Variants in SGMS1 observed in about 807,000 individuals in gnomAD.
The protein encoded by SGMS1 is sphingomyelin synthase 1.
In SGMS1, 13 loss-of-function variants were observed where a neutral mutation model predicts 46.2. The ratio of observed to expected loss-of-function variants is 0.28; its 90% CI spans 0.18 to 0.45. SGMS1 has a LOEUF of 0.45. SGMS1 is among the 20% of genes least tolerant of loss of function. The pLI, the probability that SGMS1 is intolerant of heterozygous loss-of-function variation, is 1.00. For synonymous variants in SGMS1, 203 were observed against 187.8 expected (o/e 1.08, Z -0.66); for missense variants, 324 against 519.9 (o/e 0.62, Z 3.66).
At chr10:50,341,432 T>A (rs778657445) in intron 7 of SGMS1, 7 of 455,820 alleles carry the variant, frequency 1.5e-5, no homozygotes, top group East Asian at 6.9e-5. Context: ...ATTTCCCACA[T>A]CCCTATCCCG....
At chr10:50,599,132 G>A (rs530398662) in intron 1 of SGMS1, among the ~76,000 whole-genome samples, 2 of 152,196 alleles carry the variant, frequency 1.3e-5, no homozygotes, top group South Asian at 4.1e-4. Flanking sequence ...ATCAAATGCT[G>A]AAACAGACAA....
intron 2 of SGMS1, among the ~76,000 whole-genome samples, chr10:50,542,892 T>C (rs1201995208): frequency 6.6e-6 from 1 of 150,944 alleles, no homozygotes; most frequent in African/African-American, 2.4e-5. Context: ...AAGGAAGTCT[T>C]CTCAGTTTGT....
At chr10:50,571,456 GCA>G (rs1458267257) in intron 2 of SGMS1, among the ~76,000 whole-genome samples, 1 of 152,182 alleles carries the variant, frequency 6.6e-6, no homozygotes, top group Non-Finnish European at 1.5e-5. Context: ...GCAAAGCCTG[GCA>G]CCTTTTCCAT....
chr10:50,456,281 C>A (rs956047293), intron 5 of SGMS1, among the ~76,000 whole-genome samples: 4 of 151,918 alleles, frequency 2.6e-5, no homozygotes, highest in African/African-American at 9.7e-5. Context: ...AGGAGGTCCT[C>A]CTTATTGTCA....
intron 8 of SGMS1, among the ~76,000 whole-genome samples, chr10:50,325,438 A>T (rs369946413): frequency 0.013 from 1,968 of 152,288 alleles, 39 homozygotes; most frequent in African/African-American, 0.044. Context: ...ATCCTCATAG[A>T]ATGAGGGCCC....
chr10:50,615,593 A>T (rs1433304472), intron 1 of SGMS1, among the ~76,000 whole-genome samples: 1 of 152,192 alleles, frequency 6.6e-6, no homozygotes, highest in African/African-American at 2.4e-5. Context: ...TAAGACAGAG[A>T]GCTATTGCTT....
intron 3 of SGMS1, among the ~76,000 whole-genome samples, chr10:50,486,388 C>A (rs148793266): frequency 6.6e-6 from 1 of 152,052 alleles, no homozygotes; most frequent in Non-Finnish European, 1.5e-5. Context: ...ACCTACGGAA[C>A]GGGAGAGAAT....
At chr10:50,390,714 C>T (rs554601743) in intron 6 of SGMS1, among the ~76,000 whole-genome samples, 31 of 152,110 alleles carry the variant, frequency 2.0e-4, no homozygotes, top group Non-Finnish European at 3.7e-4. Context: ...TGGAATTACT[C>T]CCTTTGAAAG....
rs930080248 is a variant in SGMS1, at chr10:50,317,806, T to C, written c.742-6391A>G. On this transcript the variant is annotated intron_variant, in intron 8 of 10. Coordinates refer to ENST00000361781, the MANE Select transcript of SGMS1 (RefSeq NM_147156.4). ...CTCTATAAAAGTTATTTCTTTCTTT[T>C]TTTTTTTTTTTTTTAGACAGTCTCA... is the stretch of plus-strand genomic sequence containing the variant. Among the ~76,000 whole-genome samples the C allele has an allele frequency of 1.2e-3, 176 of 150,386 alleles. 1 individual carries two copies. The highest frequency in any genetic ancestry group is 5.2e-3 in the East Asian group (27 of 5,150).
chr10:50,573,307 T>G (rs1838351985), intron 2 of SGMS1, among the ~76,000 whole-genome samples: 1 of 152,218 alleles, frequency 6.6e-6, no homozygotes, highest in Non-Finnish European at 1.5e-5. Context: ...CATAATCTTA[T>G]ATGTAGAAAA....
At chr10:50,570,023 T>G (rs559290233) in intron 2 of SGMS1, among the ~76,000 whole-genome samples, 1 of 152,348 alleles carries the variant, frequency 6.6e-6, no homozygotes, top group East Asian at 1.9e-4. Flanking sequence ...TGGTTACATT[T>G]CTTAAAACCA....
chr10:50,434,059 C>G (rs1241003360), intron 5 of SGMS1, among the ~76,000 whole-genome samples: 1 of 152,218 alleles, frequency 6.6e-6, no homozygotes, highest in Non-Finnish European at 1.5e-5. Flanking sequence ...CTATGGACAC[C>G]TAATGCTTAA....
At chr10:50,540,623 G>T (rs1838043572) in intron 2 of SGMS1, among the ~76,000 whole-genome samples, 1 of 152,192 alleles carries the variant, frequency 6.6e-6, no homozygotes, top group Non-Finnish European at 1.5e-5. Context: ...AAAAAAGAGA[G>T]AGGAAAGTGG....
At chr10:50,345,195 A>T (rs1317264226) in intron 6 of SGMS1, among the ~76,000 whole-genome samples, 1 of 151,862 alleles carries the variant, frequency 6.6e-6, no homozygotes, top group African/African-American at 2.4e-5. Flanking sequence ...AAGATCTACA[A>T]ATGCCGCTGC....
intron 6 of SGMS1, among the ~76,000 whole-genome samples, chr10:50,368,375 G>C (rs964900069): frequency 6.6e-5 from 10 of 151,512 alleles, no homozygotes; most frequent in Non-Finnish European, 1.5e-4. Flanking sequence ...TTTACTTTTT[G>C]AGCCGGAGTC....
chr10:50,538,860 G>C (rs139458462), intron 2 of SGMS1, among the ~76,000 whole-genome samples: 12 of 152,334 alleles, frequency 7.9e-5, no homozygotes, highest in African/African-American at 2.6e-4. Context: ...ATGGAGACTT[G>C]TAACCTTCCC....
chr10:50,315,410 C>T (rs953157619), intron 8 of SGMS1, among the ~76,000 whole-genome samples: 4 of 152,162 alleles, frequency 2.6e-5, no homozygotes, highest in Non-Finnish European at 4.4e-5. Context: ...TCTGTCTGCA[C>T]CCAGAGTGCA....
chr10:50,522,615 T>C (rs1837866206), intron 2 of SGMS1, among the ~76,000 whole-genome samples: 2 of 152,234 alleles, frequency 1.3e-5, no homozygotes, highest in South Asian at 4.1e-4. Context: ...CTCTTGATCC[T>C]GCCAAGCTTC....
At chr10:50,390,602 C>T (rs895847706) in intron 6 of SGMS1, among the ~76,000 whole-genome samples, 3 of 152,104 alleles carry the variant, frequency 2.0e-5, no homozygotes, top group African/African-American at 7.2e-5. Flanking sequence ...CGTGCCACTG[C>T]ACTCCTGCCT....
Sources: allele counts gnomAD v4.1 joint callset (sites outside exome capture counted in the v4.1 genomes callset), GRCh38; gene constraint gnomAD v4.1.1; transcripts MANE v1.5; gene names NCBI Gene and HGNC (gene_info 2026-07-23, HGNC 2026-07-21).